Variants in HIVEP1 observed in about 807,000 individuals in gnomAD.
The protein encoded by HIVEP1 is zinc finger protein 40.
HIVEP1 carries 36 observed loss-of-function variants against 180.0 expected under a neutral mutation model. The ratio of observed to expected loss-of-function variants is 0.20; its 90% CI spans 0.15 to 0.26. The LOEUF is 0.26. Ranked by LOEUF, HIVEP1 falls within the 10% of genes least tolerant of loss-of-function variation. HIVEP1 has a pLI of 1.00. For synonymous variants in HIVEP1, 1,239 were observed against 1,239.0 expected (o/e 1.00, Z 0.00); for missense variants, 3,143 against 3,268.7 (o/e 0.96, Z 0.94).
chr6:12,140,193 C>T (rs542353323), intron 7 of HIVEP1, among the ~76,000 whole-genome samples: 1 of 152,328 alleles, frequency 6.6e-6, no homozygotes, highest in African/African-American at 2.4e-5. Flanking sequence ...TGTTCTTCAG[C>T]CTCTGCTGGT....
intron 2 of HIVEP1, among the ~76,000 whole-genome samples, chr6:12,047,623 C>T (rs116750868): frequency 4.2e-4 from 64 of 152,344 alleles, no homozygotes; most frequent in African/African-American, 1.5e-3. Flanking sequence ...ATCTTCTTTC[C>T]GTCCTGTCAC....
intron 2 of HIVEP1, among the ~76,000 whole-genome samples, chr6:12,028,232 A>G (rs1416684601): frequency 6.6e-6 from 1 of 152,224 alleles, no homozygotes; most frequent in Non-Finnish European, 1.5e-5. Flanking sequence ...GGTGGCTGTC[A>G]CTTATAAGCC....
chr6:12,089,116 G>A, intron 2 of HIVEP1, 68 bp from the exon 3 acceptor site: 4 of 836,168 alleles, frequency 4.8e-6, no homozygotes, highest in Non-Finnish European at 5.9e-6. Flanking sequence ...AAAGTAGTAT[G>A]TTTGCTTTAC....
At chr6:12,058,624 T>C (rs1771023609) in intron 2 of HIVEP1, among the ~76,000 whole-genome samples, 1 of 152,094 alleles carries the variant, frequency 6.6e-6, no homozygotes, top group African/African-American at 2.4e-5. Flanking sequence ...TACTTTGGGG[T>C]AGTAAGTTCT....
At chr6:12,179,872 A>G in the HIVEP1 span, among the ~76,000 whole-genome samples, 2 of 152,104 alleles carry the variant, frequency 1.3e-5, no homozygotes, top group Non-Finnish European at 2.9e-5. Context: ...TATTATTTAT[A>G]AATAATGCTT....
At chr6:12,013,132 G>T (rs1767492027) in intron 1 of HIVEP1, among the ~76,000 whole-genome samples, 1 of 152,144 alleles carries the variant, frequency 6.6e-6, no homozygotes, top group Non-Finnish European at 1.5e-5. Flanking sequence ...GGGCTGCCGC[G>T]CTCGCCTCAT....
rs60419579 is a variant in HIVEP1 at position 12,141,691 on chromosome 6, CAAAAAAAAAAAAAAA to C, written c.6487+5814_6487+5828del. Among the ~76,000 whole-genome samples the C allele has an allele frequency of 4.7e-4, 9 of 19,240 alleles. No individual in the cohort carries two copies. In the East Asian group the frequency reaches 0.02, roughly 43 times the overall value. The allele number at this position is 19,240 out of a possible 152,430, so 12.6% of individuals were successfully genotyped here. On this transcript the variant is annotated intron_variant, in intron 7 of 8. Transcript: ENST00000379388. ...GAAGATCTACCAAGCAAATGGAAAGCAAAAAAAAAAAAAAAAAAAAAAAAAAAAAGCAGGGGTTGC... is the reference window on the plus strand; with the variant it reads ...GAAGATCTACCAAGCAAATGGAAAGCAAAAAAAAAAAAAAGCAGGGGTTGC...
the HIVEP1 span, among the ~76,000 whole-genome samples, chr6:12,187,038 A>G: frequency 1.3e-5 from 2 of 152,210 alleles, no homozygotes; most frequent in African/African-American, 4.8e-5. Context: ...GAAGTATCAG[A>G]AAACTTAAAT....
At chr6:12,105,966 CTT>C (rs1273306856) in intron 3 of HIVEP1, among the ~76,000 whole-genome samples, 1 of 151,272 alleles carries the variant, frequency 6.6e-6, no homozygotes, top group Non-Finnish European at 1.5e-5. Flanking sequence ...AATATGGCAC[CTT>C]TTTCATTTAC....
chr6:12,200,977 C>T, the HIVEP1 span, among the ~76,000 whole-genome samples: 1 of 152,136 alleles, frequency 6.6e-6, no homozygotes, highest in African/African-American at 2.4e-5. Context: ...GAAGCATGAA[C>T]CTACAGATGA....
chr6:12,032,538 T>G (rs972655879), intron 2 of HIVEP1, among the ~76,000 whole-genome samples: 20 of 152,214 alleles, frequency 1.3e-4, no homozygotes, highest in African/African-American at 4.8e-4. Context: ...GGATTGGGAT[T>G]GAATCCTGGT....
chr6:12,018,755 G>C (rs567225385), intron 2 of HIVEP1, among the ~76,000 whole-genome samples: 3 of 152,284 alleles, frequency 2.0e-5, no homozygotes, highest in African/African-American at 7.2e-5. Context: ...GGGGTAGCAG[G>C]TTGTGAAATA....
At chr6:12,058,533 A>G (rs993415440) in intron 2 of HIVEP1, among the ~76,000 whole-genome samples, 1 of 152,220 alleles carries the variant, frequency 6.6e-6, no homozygotes, top group African/African-American at 2.4e-5. Flanking sequence ...TGCGTTAGAT[A>G]TTAGAGATAT....
At chr6:12,009,547 A>G (rs914357740), upstream of HIVEP1, among the ~76,000 whole-genome samples, 1 of 152,140 alleles carries the variant, frequency 6.6e-6, no homozygotes, top group Middle Eastern at 3.2e-3. Context: ...GCAGTTTACC[A>G]TTCACATTCA....
chr6:12,078,967 T>G (rs1041579255), intron 2 of HIVEP1, among the ~76,000 whole-genome samples: 1 of 152,238 alleles, frequency 6.6e-6, no homozygotes, highest in East Asian at 1.9e-4. Flanking sequence ...CATGTGTGAA[T>G]CCATACTGGA....
intron 7 of HIVEP1, among the ~76,000 whole-genome samples, chr6:12,136,686 G>A (rs569146190): frequency 3.3e-4 from 51 of 152,264 alleles, no homozygotes; most frequent in South Asian, 1.2e-3. Context: ...GGAATAAAGC[G>A]TTTGTTTACT....
chr6:12,207,447 CTA>C, the HIVEP1 span, among the ~76,000 whole-genome samples: 11 of 152,026 alleles, frequency 7.2e-5, no homozygotes, highest in Non-Finnish European at 1.3e-4. Context: ...TTTAAATTCC[CTA>C]TGTTAATAAT....
In HIVEP1 at chr6:12,124,612, T is replaced by C. The variant is rs577555253; in HGVS notation, c.4817T>C (p.Ile1606Thr). ...TCAGCAACATTACCAACCAAATTAA[T>C]TGACAGCATGTCTAATTCGCATCCT... ...VTSATLPTKL[I>T]DSMSNSHPLL... Residue 1606 changes from isoleucine to threonine, a missense_variant, in exon 4 of 9, where the codon ATT becomes ACT. Transcript: ENST00000379388. The C allele has an allele frequency of 6.2e-6, 10 of 1,614,206 alleles. No homozygotes were observed. The African/African-American group carries it at 6.7e-5, about 11-fold the overall frequency.
At chr6:12,138,897 T>C (rs1184871647) in intron 7 of HIVEP1, among the ~76,000 whole-genome samples, 2 of 151,868 alleles carry the variant, frequency 1.3e-5, no homozygotes, top group Non-Finnish European at 2.9e-5. Context: ...TGCCCATCTT[T>C]CTCACGTGTT....
Sources: gnomAD v4.1 joint callset for allele counts (sites outside exome capture counted in the v4.1 genomes callset) on GRCh38, gnomAD v4.1.1 for gene constraint, MANE v1.5 for transcripts, NCBI Gene and HGNC (gene_info 2026-07-23, HGNC 2026-07-21) for gene names.